TNRC6A: variants seen among roughly 807,000 people sequenced by gnomAD.
TNRC6A encodes the protein trinucleotide repeat-containing gene 6A protein.
Under a neutral mutation model 221.2 loss-of-function variants are expected in TNRC6A, and 44 were observed. That is an observed-to-expected ratio of 0.20 (90% CI 0.16 to 0.26). The LOEUF (loss-of-function observed/expected upper bound fraction) is 0.26, where lower values mean the gene tolerates loss of function less well. Ranked by LOEUF, TNRC6A falls within the 10% of genes least tolerant of loss-of-function variation. TNRC6A has a pLI of 1.00. For synonymous variants in TNRC6A, 847 were observed against 838.5 expected (o/e 1.01, Z -0.18); for missense variants, 2,199 against 2,404.4 (o/e 0.91, Z 1.79).
At chr16:24,655,243 CA>C (rs56069860) in intron 2 of TNRC6A, among the ~76,000 whole-genome samples, 3 of 142,688 alleles carry the variant, frequency 2.1e-5, no homozygotes, top group Non-Finnish European at 4.6e-5. Context: ...GATCCTGTCT[CA>C]AAAAAAAAAT....
intron 8 of TNRC6A, chr16:24,795,586 G>T (rs1288661687): frequency 3.3e-6 from 1 of 299,178 alleles, no homozygotes; most frequent in Non-Finnish European, 6.1e-6. Context: ...AACTGCCAAG[G>T]TTCCTCACTT....
At chr16:24,744,290 T>G (rs2056955317) in intron 2 of TNRC6A, among the ~76,000 whole-genome samples, 1 of 152,158 alleles carries the variant, frequency 6.6e-6, no homozygotes, top group Non-Finnish European at 1.5e-5. Flanking sequence ...CTCTGTCGGG[T>G]TTCATCACTG....
At chr16:24,723,041 ATGAGGAGGCTAAATTT>A (rs1016349409) in intron 2 of TNRC6A, among the ~76,000 whole-genome samples, 2 of 152,112 alleles carry the variant, frequency 1.3e-5, no homozygotes, top group African/African-American at 4.8e-5. Context: ...CAAGGGAGGA[ATGAGGAGGCTAAATTT>A]TGACATGTCA....
chr16:24,673,783 C>A (rs1291237273), intron 2 of TNRC6A, among the ~76,000 whole-genome samples: 1 of 152,128 alleles, frequency 6.6e-6, no homozygotes, highest in Non-Finnish European at 1.5e-5. Flanking sequence ...GTCTTGAACT[C>A]CTGGGCTCAA....
At position 24,793,538 on chromosome 16, in the gene TNRC6A, TG is replaced by T; in HGVS notation, c.3245del (p.Gly1082ValfsTer4). The stretch of plus-strand genomic sequence containing the variant: ...AACTGTGGATAATGGTACTTCAGCA[TG>T]GGGTAAGCCCATAGACAGTGGTCCC... ...ATTVDNGTSAWGKPIDSGPSW... is the reference protein window; with the variant it reads ...ATTVDNGTSAXGKPIDSGPSW... On this transcript the variant is annotated frameshift_variant, in exon 7 of 25. Coordinates refer to ENST00000395799, the MANE Select transcript of TNRC6A (RefSeq NM_014494.4). LOFTEE classifies it high-confidence loss of function. 1 of 1,562,438 alleles carries T rather than the reference TG, an allele frequency of 6.4e-7. No individual in the cohort carries two copies. The highest frequency in any genetic ancestry group is 8.7e-7 in the Non-Finnish European group (1 of 1,153,058).
chr16:24,652,643 A>G lies in TNRC6A; in HGVS notation n.402+11634A>G, dbSNP rs1902736037. ...GGTGTTCTTCATCTATCCCATAAAT[A>G]CATATGTTGATTAAGTGGTAATTAT... On this transcript the variant is annotated intron_variant and non_coding_transcript_variant, in intron 2 of 2. Coordinates refer to the TNRC6A transcript ENST00000566108. Among the ~76,000 whole-genome samples, 3 of 152,150 alleles carry G rather than the reference A, an allele frequency of 2.0e-5. No individual in the cohort carries two copies. The South Asian group carries it at 6.2e-4, about 31-fold the overall frequency.
At chr16:24,714,884 T>TG (rs2056283506) in intron 2 of TNRC6A, among the ~76,000 whole-genome samples, 1 of 151,556 alleles carries the variant, frequency 6.6e-6, no homozygotes, top group African/African-American at 2.4e-5. Context: ...TTTTTGTTTT[T>TG]TTTTTTTTCT....
intron 2 of TNRC6A, among the ~76,000 whole-genome samples, chr16:24,710,444 C>CA (rs1462290698): frequency 2.6e-5 from 4 of 152,018 alleles, no homozygotes; most frequent in African/African-American, 4.8e-5. Context: ...GCCATCCCTA[C>CA]AAAAAACAGA....
At chr16:24,651,135 A>G (rs139824671) in intron 2 of TNRC6A, among the ~76,000 whole-genome samples, 1 of 151,892 alleles carries the variant, frequency 6.6e-6, no homozygotes, top group African/African-American at 2.4e-5. Flanking sequence ...AACATTGTTT[A>G]TAACAGTCAC....
At chr16:24,766,263 G>A (rs755747016) in intron 4 of TNRC6A, among the ~76,000 whole-genome samples, 15 of 152,148 alleles carry the variant, frequency 9.9e-5, no homozygotes, top group Non-Finnish European at 2.1e-4. Context: ...AACTGCATTT[G>A]CCTCATCTGT....
At position 24,790,773 on chromosome 16, in the gene TNRC6A, A is replaced by G. The variant is rs147189000; in HGVS notation, c.2131A>G (p.Thr711Ala). The stretch of plus-strand genomic sequence containing the variant: ...ATTACTCCAAAGCATTGTAAACAGA[A>G]CTGACTTAGATCCACGTGTCCTGTC... ...HTLLQSIVNR[T>A]DLDPRVLSNS... Residue 711 changes from threonine (T) to alanine (A), a missense_variant, in exon 6 of 25, where the codon ACT becomes GCT. By Grantham distance (58) the Thr-to-Ala change is moderately conservative (BLOSUM62 0). Coordinates refer to ENST00000395799, the MANE Select transcript of TNRC6A (RefSeq NM_014494.4). The G allele has an allele frequency of 3.7e-6, 6 of 1,614,030 alleles. No individual in the cohort carries two copies. The highest frequency in any genetic ancestry group is 5.1e-6 in the Non-Finnish European group (6 of 1,180,054).
rs771672698 is a variant in TNRC6A, at chr16:24,805,761, A to G, written c.4251+28A>G. On this transcript the variant is annotated intron_variant, in intron 15 of 24. Transcript: ENST00000395799. ...AAGCAGAGTCATAGTCTTTCTTAGT[A>G]CACATTTATGGAGCATCTACTGTAT... The G allele has an allele frequency of 3.1e-6, 5 of 1,613,982 alleles. No individual in the cohort carries two copies. The South Asian group carries it at 5.5e-5, about 18-fold the overall frequency.
At chr16:24,791,840 CA>C (rs771840298) in intron 6 of TNRC6A, 23 bp downstream of exon 6, 2 of 1,488,160 alleles carry the variant, frequency 1.3e-6, no homozygotes, top group Non-Finnish European at 1.8e-6. Flanking sequence ...TTTATGAAAT[CA>C]AGCCTTGTTT....
At chr16:24,686,730 G>C (rs1446039847) in intron 2 of TNRC6A, among the ~76,000 whole-genome samples, 1 of 152,128 alleles carries the variant, frequency 6.6e-6, no homozygotes, top group South Asian at 2.1e-4. Context: ...TACACAATAG[G>C]ATCGGTGCCG....
At chr16:24,681,483 C>T (rs1246960388) in intron 2 of TNRC6A, among the ~76,000 whole-genome samples, 1 of 152,232 alleles carries the variant, frequency 6.6e-6, no homozygotes, top group African/African-American at 2.4e-5. Context: ...CTGCCTCAGC[C>T]TCCCAGAATG....
At chr16:24,722,079 T>C (rs2056419276) in intron 2 of TNRC6A, among the ~76,000 whole-genome samples, 1 of 152,134 alleles carries the variant, frequency 6.6e-6, no homozygotes, top group South Asian at 2.1e-4. Context: ...ATAGTGATTG[T>C]GGTAGTCGCT....
chr16:24,724,676 G>T (rs1002300591), upstream of TNRC6A, among the ~76,000 whole-genome samples: 5 of 152,136 alleles, frequency 3.3e-5, no homozygotes, highest in Admixed American at 2.6e-4. Flanking sequence ...CCCAGGAGGT[G>T]GAGGTTGCAG....
At position 24,719,869 on chromosome 16, in the gene TNRC6A, G is replaced by A. The variant is rs533287421; in HGVS notation, n.403-30857G>A. On this transcript the variant is annotated intron_variant and non_coding_transcript_variant, in intron 2 of 2. Coordinates refer to the TNRC6A transcript ENST00000566108. ...AAAAAAAAAAAAAATTTAAACAAGC[G>A]ACAGTAATATTTCATTAGAAATGTG... 4.0e-5 allele frequency among the ~76,000 whole-genome samples: 6 copies of A among 151,702 alleles called. No individual in the cohort carries two copies. The South Asian group carries it at 6.3e-4, about 16-fold the overall frequency.
intron 22 of TNRC6A, among the ~76,000 whole-genome samples, chr16:24,820,982 C>G (rs1422677386): frequency 6.6e-6 from 1 of 152,240 alleles, no homozygotes; most frequent in Non-Finnish European, 1.5e-5. Context: ...TGCCTGCAAA[C>G]TACCAAACAT....
Sources: allele counts gnomAD v4.1 joint callset (sites outside exome capture counted in the v4.1 genomes callset), GRCh38; gene constraint gnomAD v4.1.1; transcripts MANE v1.5; gene names NCBI Gene and HGNC (gene_info 2026-07-23, HGNC 2026-07-21).